Variants in BICC1 observed in about 807,000 individuals in gnomAD.
BICC1 encodes protein bicaudal C homolog 1.
Under a neutral mutation model 111.0 loss-of-function variants are expected in BICC1, and 43 were observed. That is an observed-to-expected ratio of 0.39 (90% CI 0.30 to 0.50). BICC1 has a LOEUF of 0.50. Ranked by LOEUF, BICC1 falls within the 20% of genes least tolerant of loss-of-function variation. BICC1 has a pLI of 0.88. For synonymous variants in BICC1, 467 were observed against 434.4 expected, an observed-to-expected ratio of 1.07 and a Z score of -0.93; for missense variants, 1,091 against 1,203.2, an observed-to-expected ratio of 0.91 and a Z score of 1.38.
At chr10:58,816,987 A>G (rs1224536321) in intron 18 of BICC1, among the ~76,000 whole-genome samples, 1 of 152,062 alleles carries the variant, frequency 6.6e-6, no homozygotes, top group Non-Finnish European at 1.5e-5. Context: ...CAGGAACCCC[A>G]GCATCATTCT....
intron 3 of BICC1, among the ~76,000 whole-genome samples, chr10:58,751,475 A>G (rs1169806320): frequency 6.6e-6 from 1 of 152,176 alleles, no homozygotes; most frequent in Non-Finnish European, 1.5e-5. Flanking sequence ...GTCCTTTATT[A>G]ATAATACCTG....
At chr10:58,716,622 T>A (rs911870083) in intron 3 of BICC1, among the ~76,000 whole-genome samples, 4 of 152,138 alleles carry the variant, frequency 2.6e-5, no homozygotes. Flanking sequence ...TCTGGATACA[T>A]CTTTAAGATG....
Position 58,805,863 on chromosome 10 carries a change from T to C in BICC1, c.2182-721T>C, listed in dbSNP as rs188170051. On this transcript the variant is annotated intron_variant, in intron 15 of 20. Coordinates refer to ENST00000373886, the MANE Select transcript of BICC1 (RefSeq NM_001080512.3). Reference sequence around the variant, plus strand: ...ACTCAGAAAAGATTTGAAATGTAGCTGTATCTGCACTACTTTCTTCAAAAT... The same window carrying C: ...ACTCAGAAAAGATTTGAAATGTAGCCGTATCTGCACTACTTTCTTCAAAAT... Among the ~76,000 whole-genome samples the C allele has an allele frequency of 4.8e-4, 73 of 152,338 alleles. 1 individual carries two copies. The highest frequency in any genetic ancestry group is 1.7e-3 in the African/African-American group (70 of 41,580).
intron 2 of BICC1, among the ~76,000 whole-genome samples, chr10:58,688,752 C>T (rs1839826216): frequency 1.3e-5 from 2 of 152,058 alleles, no homozygotes; most frequent in African/African-American, 4.8e-5. Context: ...AAGCTGGAAA[C>T]CATCATTCCC....
chr10:58,615,122 C>G (rs1019062279), intron 1 of BICC1, among the ~76,000 whole-genome samples: 7 of 151,868 alleles, frequency 4.6e-5, no homozygotes, highest in African/African-American at 1.7e-4. Flanking sequence ...GACCTTTTAT[C>G]TTGCCTGGGT....
intron 17 of BICC1, among the ~76,000 whole-genome samples, chr10:58,812,979 G>A (rs1289167185): frequency 6.6e-6 from 1 of 152,130 alleles, no homozygotes; most frequent in Non-Finnish European, 1.5e-5. Flanking sequence ...CAGTGAGGTA[G>A]GTGGAAAACT....
intron 1 of BICC1, among the ~76,000 whole-genome samples, chr10:58,555,305 CATTTT>C: frequency 1.1e-5 from 1 of 93,828 alleles, no homozygotes; most frequent in African/African-American, 4.4e-5. Flanking sequence ...GGCTGTTGGA[CATTTT>C]TTTTTTTTTT....
chr10:58,824,872 T>C (rs1844351795), intron 20 of BICC1, among the ~76,000 whole-genome samples: 1 of 152,144 alleles, frequency 6.6e-6, no homozygotes, highest in African/African-American at 2.4e-5. Flanking sequence ...CTTGCATGAG[T>C]TTGTCAGAAT....
chr10:58,738,156 C>T (rs1179102790), intron 3 of BICC1, among the ~76,000 whole-genome samples: 1 of 152,144 alleles, frequency 6.6e-6, no homozygotes, highest in Non-Finnish European at 1.5e-5. Context: ...GACATGAAGT[C>T]CTTGACCATG....
chr10:58,761,721 C>G (rs1842322112), intron 3 of BICC1, among the ~76,000 whole-genome samples: 2 of 152,076 alleles, frequency 1.3e-5, no homozygotes, highest in African/African-American at 4.8e-5. Flanking sequence ...TTGGGCTCCT[C>G]TCCTGGAGAC....
intron 2 of BICC1, among the ~76,000 whole-genome samples, chr10:58,675,095 G>A (rs1412538165): frequency 6.6e-6 from 1 of 152,154 alleles, no homozygotes; most frequent in Non-Finnish European, 1.5e-5. Context: ...CATGGTTTTG[G>A]AGAGGGAATT....
rs267602532 is a variant in BICC1 at position 58,803,197 on chromosome 10, C to A, written c.2136C>A (p.Ser712=). The part of the protein sequence containing the change: ...AERAAAAQQN[S]ERAHLAPRSS... The stretch of plus-strand genomic sequence containing the variant: ...GGGCAGCAGCTGCCCAGCAAAACTC[C>A]GAAAGGGCCCACCTTGCTCCACGGT... Residue 712 remains serine, a synonymous_variant, in exon 15 of 21, where the codon TCC becomes TCA. Transcript: ENST00000373886. 1 of 1,609,018 alleles carries A rather than the reference C, an allele frequency of 6.2e-7. No individual in the cohort carries two copies. Among genetic ancestry groups the A allele is most frequent in the Non-Finnish European group, 8.5e-7 (1 of 1,177,556 alleles).
chr10:58,624,102 A>G (rs1845911626), intron 2 of BICC1, among the ~76,000 whole-genome samples: 1 of 152,076 alleles, frequency 6.6e-6, no homozygotes, highest in African/African-American at 2.4e-5. Flanking sequence ...TTAGCTTCCC[A>G]TGGTTTGCTG....
intron 1 of BICC1, among the ~76,000 whole-genome samples, chr10:58,594,191 G>C (rs1288716967): frequency 6.6e-6 from 1 of 151,886 alleles, no homozygotes; most frequent in Non-Finnish European, 1.5e-5. Flanking sequence ...GGATAAAAAG[G>C]AATGAACAAA....
intron 2 of BICC1, among the ~76,000 whole-genome samples, chr10:58,622,491 C>T (rs1440204665): frequency 1.3e-5 from 2 of 152,212 alleles, no homozygotes; most frequent in Non-Finnish European, 2.9e-5. Context: ...AATCCAGGAA[C>T]ATGTGTGCGT....
At position 58,756,626 on chromosome 10, in the gene BICC1, CTTTTTTTTTTTTT is replaced by C. The variant is rs66709538; in HGVS notation, c.308-28355_308-28343del. On this transcript the variant is annotated intron_variant, in intron 3 of 20. Coordinates refer to ENST00000373886, the MANE Select transcript of BICC1 (RefSeq NM_001080512.3). Reference sequence around the variant, plus strand: ...CCAGGACCCTTTAGCAACTACTAGCCTTTTTTTTTTTTTTTTTTTTTTTTTTTTTTTTGCCAGA... The same window carrying C: ...CCAGGACCCTTTAGCAACTACTAGCCTTTTTTTTTTTTTTTTTTTGCCAGA... Among the ~76,000 whole-genome samples the C allele has an allele frequency of 8.9e-4, 121 of 135,906 alleles. 1 individual carries two copies. The highest frequency in any genetic ancestry group is 1.5e-3 in the Non-Finnish European group (97 of 64,110). 89.2% of individuals were successfully genotyped at this position (135,906 alleles called of 152,430 possible).
chr10:58,758,157 A>AT (rs1307583998), intron 3 of BICC1, among the ~76,000 whole-genome samples: 1 of 152,118 alleles, frequency 6.6e-6, no homozygotes, highest in African/African-American at 2.4e-5. Flanking sequence ...GTCATTAAAA[A>AT]TTTTTTTTGG....
At chr10:58,678,101 A>G (rs949429589) in intron 2 of BICC1, among the ~76,000 whole-genome samples, 9 of 152,232 alleles carry the variant, frequency 5.9e-5, no homozygotes, top group Non-Finnish European at 1.2e-4. Flanking sequence ...CCAAATTATA[A>G]ACACCATCGA....
intron 3 of BICC1, chr10:58,716,039 A>G: frequency 7.0e-7 from 1 of 1,428,686 alleles, no homozygotes. Context: ...AAGAAAAAGA[A>G]GTCAAAAGAT....
Sources: gnomAD v4.1 joint callset for allele counts (sites outside exome capture counted in the v4.1 genomes callset) on GRCh38, gnomAD v4.1.1 for gene constraint, MANE v1.5 for transcripts, NCBI Gene and HGNC (gene_info 2026-07-23, HGNC 2026-07-21) for gene names.